The following BRINP3 variants were observed in gnomAD, a reference collection of about 807,000 sequenced individuals.
BRINP3 encodes the protein BMP/retinoic acid-inducible neural-specific protein 3.
BRINP3 carries 19 observed loss-of-function variants against 71.0 expected under a neutral mutation model. The observed-to-expected ratio is 0.27, with a 90% CI of 0.19 to 0.39. BRINP3 has a LOEUF of 0.39. BRINP3 is among the 10% of genes least tolerant of loss of function. The pLI is 1.00. For missense variants in BRINP3, 959 were observed against 940.8 expected, an observed-to-expected ratio of 1.02 and a Z score of -0.25; for synonymous variants, 380 against 337.7, an observed-to-expected ratio of 1.13 and a Z score of -1.37.
At chr1:190,427,376 C>T (rs758486601) in intron 2 of BRINP3, among the ~76,000 whole-genome samples, 1 of 151,854 alleles carries the variant, frequency 6.6e-6, no homozygotes, top group South Asian at 2.1e-4. Flanking sequence ...TATTAAAGAA[C>T]TACATGTAAA....
chr1:190,305,735 T>C (rs941809715), intron 2 of BRINP3, among the ~76,000 whole-genome samples: 2 of 151,630 alleles, frequency 1.3e-5, no homozygotes, highest in Non-Finnish European at 2.9e-5. Flanking sequence ...CAGATATTTG[T>C]AAATATAAAC....
chr1:190,278,708 AGGTTGTT>A (rs1003292732), intron 3 of BRINP3, among the ~76,000 whole-genome samples: 2 of 151,722 alleles, frequency 1.3e-5, no homozygotes, highest in African/African-American at 4.8e-5. Context: ...AAACTGAGTA[AGGTTGTT>A]AATTCCATCT....
chr1:190,340,725 C>T (rs1198536669), intron 2 of BRINP3, among the ~76,000 whole-genome samples: 1 of 151,194 alleles, frequency 6.6e-6, no homozygotes, highest in Middle Eastern at 3.4e-3. Context: ...AAAACAAAAT[C>T]TCATAGGCCC....
chr1:190,408,978 TG>T (rs34285829), intron 2 of BRINP3, among the ~76,000 whole-genome samples: 1 of 152,112 alleles, frequency 6.6e-6, no homozygotes, highest in Admixed American at 6.6e-5. Flanking sequence ...AACCTGGAAG[TG>T]GGGGGAGTTG....
At chr1:190,307,049 G>A (rs1287858604) in intron 2 of BRINP3, among the ~76,000 whole-genome samples, 2 of 151,708 alleles carry the variant, frequency 1.3e-5, no homozygotes, top group Non-Finnish European at 2.9e-5. Flanking sequence ...AGTGTCTACT[G>A]AGTGCAAAAT....
At chr1:190,352,051 A>G (rs905853531) in intron 2 of BRINP3, among the ~76,000 whole-genome samples, 2 of 151,994 alleles carry the variant, frequency 1.3e-5, no homozygotes, top group African/African-American at 4.8e-5. Context: ...AACCAACATA[A>G]TATACCCAAT....
chr1:190,350,731 C>T (rs1668324349), intron 2 of BRINP3, among the ~76,000 whole-genome samples: 1 of 151,644 alleles, frequency 6.6e-6, no homozygotes, highest in Admixed American at 6.6e-5. Flanking sequence ...ACATAGCAGG[C>T]AGGATCCTGA....
At chr1:190,166,663 G>C (rs1399227768) in intron 6 of BRINP3, among the ~76,000 whole-genome samples, 1 of 152,100 alleles carries the variant, frequency 6.6e-6, no homozygotes, top group Non-Finnish European at 1.5e-5. Context: ...ATGGTTAGTT[G>C]GTTAGTTCCA....
At chr1:190,197,076 G>C (rs1291095820) in intron 6 of BRINP3, among the ~76,000 whole-genome samples, 1 of 151,920 alleles carries the variant, frequency 6.6e-6, no homozygotes, top group Non-Finnish European at 1.5e-5. Context: ...TGTGAGGCTG[G>C]GGAGGCCTCA....
chr1:190,294,220 T>G (rs986143849), intron 2 of BRINP3, among the ~76,000 whole-genome samples: 3 of 151,938 alleles, frequency 2.0e-5, no homozygotes, highest in African/African-American at 7.3e-5. Flanking sequence ...GTCATTAACT[T>G]TACAAAAACA....
At position 190,098,998 on chromosome 1, in the gene BRINP3, A is replaced by G. The variant is rs1272364242; in HGVS notation, c.1321T>C (p.Cys441Arg). The G allele has an allele frequency of 6.2e-7, 1 of 1,614,200 alleles. No homozygotes were observed. Among genetic ancestry groups the G allele is most frequent in the Non-Finnish European group, 8.5e-7 (1 of 1,180,022 alleles). ...DQVVCTAFLP[C>R]TVGDASACLT... ...CAGGCAGAGGCGTCTCCCACTGTGC[A>G]GGGCAGGAACGCGGTGCAGACCACC... is the stretch of plus-strand genomic sequence containing the variant. The change falls in exon 8 of 8, where the codon TGC becomes CGC. Residue 441 changes from cysteine (C) to arginine (R), a missense_variant. Cys to Arg is a radical substitution (Grantham distance 180). Transcript: ENST00000367462.
At chr1:190,182,335 T>G (rs1038109558) in intron 6 of BRINP3, among the ~76,000 whole-genome samples, 2 of 152,108 alleles carry the variant, frequency 1.3e-5, no homozygotes, top group Non-Finnish European at 2.9e-5. Flanking sequence ...GATCTTTTGT[T>G]AGAGTACTGC....
At chr1:190,376,158 C>CT (rs536409042) in intron 2 of BRINP3, among the ~76,000 whole-genome samples, 421 of 148,096 alleles carry the variant, frequency 2.8e-3, no homozygotes, top group African/African-American at 6.2e-3. Flanking sequence ...ATGAACATAG[C>CT]TTTTTTTTTT....
chr1:190,116,406 A>G (rs1276463963), intron 7 of BRINP3, among the ~76,000 whole-genome samples: 1 of 152,114 alleles, frequency 6.6e-6, no homozygotes, highest in East Asian at 1.9e-4. Flanking sequence ...ATTAGCTTTC[A>G]AAGTGGTATG....
intron 2 of BRINP3, among the ~76,000 whole-genome samples, chr1:190,287,933 T>A (rs1472548729): frequency 1.3e-5 from 2 of 152,118 alleles, no homozygotes; most frequent in Non-Finnish European, 2.9e-5. Context: ...AATAGGGTTT[T>A]ATGCAAACTA....
At chr1:190,138,625 T>C (rs1015633868) in intron 7 of BRINP3, among the ~76,000 whole-genome samples, 1 of 152,060 alleles carries the variant, frequency 6.6e-6, no homozygotes, top group Non-Finnish European at 1.5e-5. Flanking sequence ...GGAGAAATAA[T>C]TGAACGCTGT....
intron 1 of BRINP3, among the ~76,000 whole-genome samples, chr1:190,473,199 CA>C (rs1247767966): frequency 6.6e-6 from 1 of 151,866 alleles, no homozygotes; most frequent in Admixed American, 6.6e-5. Context: ...ATATCTACTA[CA>C]ATAAAATTGC....
At chr1:190,327,389 C>CAAAAAAA (rs1666678358) in intron 2 of BRINP3, among the ~76,000 whole-genome samples, 1 of 109,542 alleles carries the variant, frequency 9.1e-6, no homozygotes, top group Non-Finnish European at 2.0e-5. Context: ...AAAAGAAGAC[C>CAAAAAAA]AATCTGTCTG....
At chr1:190,241,076 C>T (rs926106020) in intron 4 of BRINP3, among the ~76,000 whole-genome samples, 1 of 151,592 alleles carries the variant, frequency 6.6e-6, no homozygotes, top group African/African-American at 2.4e-5. Context: ...CAGTACTGGG[C>T]ACATGGTAGA....
Sources: gnomAD v4.1 joint callset for allele counts (sites outside exome capture counted in the v4.1 genomes callset) on GRCh38, gnomAD v4.1.1 for gene constraint, MANE v1.5 for transcripts, NCBI Gene and HGNC (gene_info 2026-07-23, HGNC 2026-07-21) for gene names.